Variants in HS3ST1 observed in about 807,000 individuals in gnomAD.
The protein encoded by HS3ST1 is heparan sulfate glucosamine 3-O-sulfotransferase 1.
In HS3ST1, 8 loss-of-function variants were observed where a neutral mutation model predicts 20.7. The ratio of observed to expected loss-of-function variants is 0.39; its 90% CI spans 0.23 to 0.70. HS3ST1 has a LOEUF of 0.70. Ranked by LOEUF, HS3ST1 falls within the 30% of genes least tolerant of loss-of-function variation. The pLI, the probability that HS3ST1 is intolerant of heterozygous loss-of-function variation, is 0.46. For missense variants in HS3ST1, 436 were observed against 423.4 expected (o/e 1.03, Z -0.26); for synonymous variants, 205 against 190.4 (o/e 1.08, Z -0.63).
intron 1 of HS3ST1, among the ~76,000 whole-genome samples, chr4:11,400,712 C>CT (rs1005232209): frequency 2.0e-5 from 3 of 152,236 alleles, no homozygotes; most frequent in African/African-American, 7.2e-5. Flanking sequence ...GGCTCCTAAT[C>CT]TAACAGAGCA....
intron 1 of HS3ST1, among the ~76,000 whole-genome samples, chr4:11,427,326 G>A (rs991853046): frequency 1.3e-5 from 2 of 152,154 alleles, no homozygotes; most frequent in African/African-American, 4.8e-5. Flanking sequence ...ACTGGCGGGA[G>A]GCGCAGCCGA....
intron 1 of HS3ST1, among the ~76,000 whole-genome samples, chr4:11,414,705 A>G (rs1437013290): frequency 1.3e-5 from 2 of 152,226 alleles, no homozygotes; most frequent in African/African-American, 4.8e-5. Context: ...ACAGTAGCTC[A>G]TGTTAAATAA....
upstream of HS3ST1, among the ~76,000 whole-genome samples, chr4:11,433,193 G>A (rs1212100003): frequency 6.6e-6 from 1 of 152,006 alleles, no homozygotes; most frequent in Non-Finnish European, 1.5e-5. Context: ...ATTTTTAGAA[G>A]AAATTAAATC....
chr4:11,412,493 G>C (rs549155811), intron 1 of HS3ST1, among the ~76,000 whole-genome samples: 3 of 152,292 alleles, frequency 2.0e-5, no homozygotes, highest in African/African-American at 7.2e-5. Context: ...TAACCACAAA[G>C]TTTTGTCACC....
chr4:11,399,019 T>G lies in HS3ST1; in HGVS notation c.*63A>C. On this transcript the variant is annotated 3_prime_UTR_variant, in exon 2 of 2. Coordinates refer to ENST00000002596, the MANE Select transcript of HS3ST1 (RefSeq NM_005114.4). The surrounding 1 kb of genome is among the most constrained non-coding windows in gnomAD (Gnocchi z 5.1). ...CCTTAAATGCTTTTTTAAAATTCTT[T>G]TTCCCCTCAGATGTACACCAGAACT... is the stretch of plus-strand genomic sequence containing the variant. The G allele has an allele frequency of 7.2e-7, 1 of 1,389,418 alleles. No individual in the cohort carries two copies. The highest frequency in any genetic ancestry group is 9.8e-7 in the Non-Finnish European group (1 of 1,017,792). The allele number at this position is 1,389,418 out of a possible 1,614,324, so 86.1% of individuals were successfully genotyped here. A position where few individuals can be genotyped will look rare whatever the true frequency, so the allele number is the denominator to read the frequency against.
intron 1 of HS3ST1, among the ~76,000 whole-genome samples, chr4:11,407,963 A>G (rs1718514244): frequency 1.3e-5 from 2 of 152,158 alleles, no homozygotes; most frequent in Admixed American, 1.3e-4. Context: ...AGAGATGGGC[A>G]ATGTCTTTTG....
intron 1 of HS3ST1, among the ~76,000 whole-genome samples, chr4:11,425,587 C>T (rs1444521806): frequency 1.3e-5 from 2 of 152,184 alleles, no homozygotes; most frequent in African/African-American, 4.8e-5. Flanking sequence ...ATCTCTCCCA[C>T]TTAATGTTTA....
intron 1 of HS3ST1, among the ~76,000 whole-genome samples, chr4:11,419,776 C>T (rs1024373315): frequency 3.3e-5 from 5 of 152,146 alleles, no homozygotes; most frequent in East Asian, 1.9e-4. Context: ...TGTGACAGGA[C>T]GTTGAGTTTG....
Position 11,398,292 on chromosome 4 carries a change from C to G in HS3ST1, c.*790G>C, listed in dbSNP as rs1028453391. 6.6e-6 allele frequency: 1 copy of G among 152,196 alleles called. No homozygotes were observed. Among genetic ancestry groups the G allele is most frequent in the East Asian group, 1.9e-4 (1 of 5,202 alleles). 9.4% of individuals were successfully genotyped at this position (152,196 alleles called of 1,614,324 possible). On this transcript the variant is annotated 3_prime_UTR_variant, in exon 2 of 2. Transcript: ENST00000002596. Reference sequence around the variant, plus strand: ...GACACGCATAGATTTCGCAGTTTCTCTTTTCTATTCTAATTGGCTTTCTGG... The same window carrying G: ...GACACGCATAGATTTCGCAGTTTCTGTTTTCTATTCTAATTGGCTTTCTGG...
chr4:11,400,337 C>G (rs139829350), intron 1 of HS3ST1, among the ~76,000 whole-genome samples: 1 of 152,200 alleles, frequency 6.6e-6, no homozygotes, highest in East Asian at 1.9e-4. Flanking sequence ...TCCAACCGTG[C>G]TATTATAGAT....
At chr4:11,404,859 A>G (rs1451998867) in intron 1 of HS3ST1, among the ~76,000 whole-genome samples, 1 of 152,244 alleles carries the variant, frequency 6.6e-6, no homozygotes. Flanking sequence ...AACTTTCCAC[A>G]CAGGGCTTGC....
intron 1 of HS3ST1, among the ~76,000 whole-genome samples, chr4:11,404,206 G>A (rs1314415846): frequency 6.6e-6 from 1 of 151,988 alleles, no homozygotes; most frequent in Non-Finnish European, 1.5e-5. Flanking sequence ...CACCACAGCT[G>A]GCTAATTTTT....
chr4:11,416,555 C>T (rs1718787098), intron 1 of HS3ST1, among the ~76,000 whole-genome samples: 1 of 152,196 alleles, frequency 6.6e-6, no homozygotes, highest in Non-Finnish European at 1.5e-5. Context: ...CTCTGTCCCT[C>T]CTCCCTTTGG....
chr4:11,433,470 C>T (rs1227165254), upstream of HS3ST1, among the ~76,000 whole-genome samples: 1 of 152,160 alleles, frequency 6.6e-6, no homozygotes, highest in Non-Finnish European at 1.5e-5. Context: ...AGAAAAATTG[C>T]AGTATTGCAG....
chr4:11,410,752 C>T (rs530346631), intron 1 of HS3ST1, among the ~76,000 whole-genome samples: 25 of 152,010 alleles, frequency 1.6e-4, no homozygotes, highest in South Asian at 1.0e-3. Context: ...ATTAGCCAGG[C>T]GTGGTGGCAC....
chr4:11,404,359 T>C (rs778812928), intron 1 of HS3ST1, among the ~76,000 whole-genome samples: 6 of 152,234 alleles, frequency 3.9e-5, no homozygotes, highest in Non-Finnish European at 7.3e-5. Context: ...CTAATCACTA[T>C]ATAAAATTAA....
chr4:11,417,454 T>TTA (rs1308540996), intron 1 of HS3ST1, among the ~76,000 whole-genome samples: 2 of 152,100 alleles, frequency 1.3e-5, no homozygotes, highest in African/African-American at 4.8e-5. Flanking sequence ...AATAAATGAG[T>TTA]GTATGAAAAA....
At chr4:11,417,184 C>T (rs187198973) in intron 1 of HS3ST1, among the ~76,000 whole-genome samples, 1 of 152,128 alleles carries the variant, frequency 6.6e-6, no homozygotes, top group East Asian at 1.9e-4. Context: ...TTTCCAGCAC[C>T]CACTATGTGT....
intron 1 of HS3ST1, among the ~76,000 whole-genome samples, chr4:11,427,429 A>T (rs1479260649): frequency 6.6e-6 from 1 of 151,810 alleles, no homozygotes; most frequent in Admixed American, 6.6e-5. Flanking sequence ...CCTCCCCGCC[A>T]CTCCTTGAGG....
Sources: gnomAD v4.1 joint callset for allele counts (sites outside exome capture counted in the v4.1 genomes callset) on GRCh38, gnomAD v4.1.1 for gene constraint, Gnocchi (gnomAD v3.1) non-coding constraint, MANE v1.5 for transcripts, NCBI Gene and HGNC (gene_info 2026-07-23, HGNC 2026-07-21) for gene names.